NOL4L: variants seen among roughly 807,000 people sequenced by gnomAD.
NOL4L encodes the protein nucleolar protein 4-like.
In NOL4L, 7 loss-of-function variants were observed where a neutral mutation model predicts 64.5. That is an observed-to-expected ratio of 0.11 (90% CI 0.06 to 0.20). The LOEUF is 0.20. Among genes scored for constraint, NOL4L ranks in the 10% least tolerant of loss-of-function variants. The pLI, the probability that NOL4L is intolerant of heterozygous loss-of-function variation, is 1.00. For missense variants in NOL4L, 680 were observed against 967.1 expected, an observed-to-expected ratio of 0.70 and a Z score of 3.94; for synonymous variants, 413 against 401.0, an observed-to-expected ratio of 1.03 and a Z score of -0.36.
intron 4 of NOL4L, among the ~76,000 whole-genome samples, chr20:32,504,842 A>G (rs904031218): frequency 6.6e-6 from 1 of 151,890 alleles, no homozygotes; most frequent in Non-Finnish European, 1.5e-5. Flanking sequence ...CTTGTGATAC[A>G]CTCGCTTCAG....
Position 32,453,027 on chromosome 20 carries a change from G to C in NOL4L, c.1498-21C>G, listed in dbSNP as rs760409272. The C allele has an allele frequency of 6.2e-7, 1 of 1,611,786 alleles. No individual in the cohort carries two copies. The highest frequency in any genetic ancestry group is 1.7e-5 in the Admixed American group (1 of 60,026). On this transcript the variant is annotated intron_variant, in intron 8 of 10. Coordinates refer to ENST00000621426, the MANE Select transcript of NOL4L (RefSeq NM_001256798.2). This position sits in a 1 kb window ranked among gnomAD's most constrained non-coding sequence, Gnocchi z 5.6. ...CTGGTCTGCAGGCAGAACGGGGATGGAGCTAGCATGGGGCCCGTGGGGGCC... is the reference window on the plus strand; with the variant it reads ...CTGGTCTGCAGGCAGAACGGGGATGCAGCTAGCATGGGGCCCGTGGGGGCC...
chr20:32,459,015 G>A (rs1022522725), intron 5 of NOL4L, among the ~76,000 whole-genome samples: 2 of 152,226 alleles, frequency 1.3e-5, no homozygotes, highest in African/African-American at 2.4e-5. Flanking sequence ...CTGTGCCCCC[G>A]GCTGCCTGGC....
rs185898264 is a variant in NOL4L, at chr20:32,554,136, G to C, written c.322-26223C>G. On this transcript the variant is annotated intron_variant, in intron 1 of 10. Coordinates refer to ENST00000621426, the MANE Select transcript of NOL4L (RefSeq NM_001256798.2). ...GAGATCGAGACCATCCTGGCTAACA[G>C]GGTGAAACCCCGTCTCTACTAAAAA... 2.0e-3 allele frequency among the ~76,000 whole-genome samples: 304 copies of C among 151,996 alleles called. 1 individual carries two copies. Among genetic ancestry groups the C allele is most frequent in the Middle Eastern group, 0.014 (4 of 294 alleles).
At chr20:32,560,278 A>C (rs1978928119) in intron 1 of NOL4L, among the ~76,000 whole-genome samples, 1 of 152,194 alleles carries the variant, frequency 6.6e-6, no homozygotes, top group Non-Finnish European at 1.5e-5. Flanking sequence ...GACACCACTA[A>C]TCCTCCCGAC....
chr20:32,489,809 C>G (rs1365750846), intron 4 of NOL4L, among the ~76,000 whole-genome samples: 1 of 149,196 alleles, frequency 6.7e-6, no homozygotes, highest in African/African-American at 2.5e-5. Flanking sequence ...GACTCCCTCT[C>G]AAATAAATAA....
intron 4 of NOL4L, among the ~76,000 whole-genome samples, chr20:32,500,288 G>C (rs767756380): frequency 6.6e-6 from 1 of 151,470 alleles, no homozygotes; most frequent in Non-Finnish European, 1.5e-5. Context: ...GAACTCAAGA[G>C]ACCCTTCTGC....
At chr20:32,568,714 T>C (rs1307437702) in intron 1 of NOL4L, among the ~76,000 whole-genome samples, 1 of 152,182 alleles carries the variant, frequency 6.6e-6, no homozygotes, top group African/African-American at 2.4e-5. Context: ...CTTCCCAACA[T>C]GGCCAGAGAA....
intron 5 of NOL4L, among the ~76,000 whole-genome samples, chr20:32,470,652 A>G (rs1233159860): frequency 6.6e-6 from 1 of 152,202 alleles, no homozygotes; most frequent in East Asian, 1.9e-4. Flanking sequence ...TTCAGACCCA[A>G]AAGAAAGCCC....
At chr20:32,478,161 A>T (rs762481245) in intron 4 of NOL4L, among the ~76,000 whole-genome samples, 4 of 151,666 alleles carry the variant, frequency 2.6e-5, no homozygotes, top group Non-Finnish European at 4.4e-5. Flanking sequence ...TCCTCCCTTC[A>T]ATGGGAGGAA....
At chr20:32,516,198 C>T (rs1473014705) in intron 3 of NOL4L, among the ~76,000 whole-genome samples, 2 of 151,722 alleles carry the variant, frequency 1.3e-5, no homozygotes, top group African/African-American at 4.8e-5. Flanking sequence ...GGGGGCCTGG[C>T]ACAGAGAGGC....
intron 1 of NOL4L, among the ~76,000 whole-genome samples, chr20:32,546,890 T>C (rs2018740329): frequency 6.6e-6 from 1 of 152,200 alleles, no homozygotes; most frequent in South Asian, 2.1e-4. Flanking sequence ...GCATCCCCAG[T>C]ATCTGCCAGA....
chr20:32,512,149 A>G (rs2017436159), intron 3 of NOL4L, among the ~76,000 whole-genome samples: 1 of 152,214 alleles, frequency 6.6e-6, no homozygotes, highest in Non-Finnish European at 1.5e-5. Context: ...AACCACTGCC[A>G]CTTCAGCAGC....
chr20:32,457,200 A>G (rs1033028125), intron 5 of NOL4L, among the ~76,000 whole-genome samples: 1 of 152,218 alleles, frequency 6.6e-6, no homozygotes, highest in Non-Finnish European at 1.5e-5. Flanking sequence ...CCAGGGGACC[A>G]GACAGTTCCA....
intron 1 of NOL4L, among the ~76,000 whole-genome samples, chr20:32,534,008 T>C (rs1472661424): frequency 6.6e-6 from 1 of 152,242 alleles, no homozygotes. Flanking sequence ...TGCAGTTCTG[T>C]CATCTCCATT....
At chr20:32,567,429 T>C (rs1446869547) in intron 1 of NOL4L, among the ~76,000 whole-genome samples, 1 of 152,188 alleles carries the variant, frequency 6.6e-6, no homozygotes, top group Non-Finnish European at 1.5e-5. Context: ...TGGAGGATTG[T>C]TCTCCCTTTT....
At chr20:32,490,466 A>G (rs949784409) in intron 4 of NOL4L, among the ~76,000 whole-genome samples, 5 of 152,136 alleles carry the variant, frequency 3.3e-5, no homozygotes, top group Admixed American at 6.5e-5. Flanking sequence ...GGATGTGGAG[A>G]ATCCAGGGCT....
chr20:32,457,919 C>G (rs557223156), intron 5 of NOL4L, among the ~76,000 whole-genome samples: 2 of 152,328 alleles, frequency 1.3e-5, no homozygotes, highest in African/African-American at 4.8e-5. Flanking sequence ...TTACTGAGCA[C>G]CTACTGAGTG....
chr20:32,489,610 A>G (rs1051589579), intron 4 of NOL4L, among the ~76,000 whole-genome samples: 1 of 152,182 alleles, frequency 6.6e-6, no homozygotes, highest in African/African-American at 2.4e-5. Context: ...TTTGTATTAT[A>G]TTCTGTTGAC....
At chr20:32,559,253 C>T (rs981706085) in intron 1 of NOL4L, among the ~76,000 whole-genome samples, 14 of 152,318 alleles carry the variant, frequency 9.2e-5, no homozygotes, top group East Asian at 1.9e-4. Flanking sequence ...CAGCCTGGCA[C>T]GTAGTAGGAC....
Sources: gnomAD v4.1 joint callset for allele counts (sites outside exome capture counted in the v4.1 genomes callset) on GRCh38, gnomAD v4.1.1 for gene constraint, Gnocchi (gnomAD v3.1) non-coding constraint, MANE v1.5 for transcripts, NCBI Gene and HGNC (gene_info 2026-07-23, HGNC 2026-07-21) for gene names.